The following IL1RAPL2 variants were observed in gnomAD, a reference collection of about 807,000 sequenced individuals.
IL1RAPL2 encodes the protein interleukin 1 receptor accessory protein like 2.
IL1RAPL2 carries 3 observed loss-of-function variants against 44.1 expected under a neutral mutation model. The observed-to-expected ratio is 0.07, with a 90% CI of 0.03 to 0.18. IL1RAPL2 has a LOEUF of 0.18. Among genes scored for constraint, IL1RAPL2 ranks in the 10% least tolerant of loss-of-function variants. The probability of loss-of-function intolerance (pLI) is 1.00; values close to 1 mark genes in which losing one functional copy is unlikely to be tolerated. For synonymous variants in IL1RAPL2, 181 were observed against 178.8 expected, an observed-to-expected ratio of 1.01 and a Z score of -0.10; for missense variants, 391 against 496.4, an observed-to-expected ratio of 0.79 and a Z score of 2.02.
chrX:104,845,958 T>A (rs1188350362), intron 2 of IL1RAPL2, among the ~76,000 whole-genome samples: 1 of 111,650 alleles, frequency 9.0e-6, no homozygotes, highest in African/African-American at 3.3e-5. Flanking sequence ...TAGCCATATT[T>A]GAGCAACAAG....
chrX:104,864,679 G>A (rs1361179693), intron 2 of IL1RAPL2, among the ~76,000 whole-genome samples: 1 of 111,844 alleles, frequency 8.9e-6, no homozygotes, highest in Non-Finnish European at 1.9e-5. Flanking sequence ...ATCTAAATCA[G>A]TTGCCAGCGT....
chrX:104,580,196 T>C (rs1928318148), intron 1 of IL1RAPL2, among the ~76,000 whole-genome samples: 2 of 112,471 alleles, frequency 1.8e-5, no homozygotes, highest in South Asian at 7.4e-4. Flanking sequence ...CATTGGTCCA[T>C]TGTATTATTT....
intron 2 of IL1RAPL2, among the ~76,000 whole-genome samples, chrX:104,675,700 G>A (rs1930735084): frequency 9.0e-6 from 1 of 110,716 alleles, no homozygotes; most frequent in Admixed American, 9.6e-5. Context: ...ACAGTGGGGT[G>A]TTAAAGTCTC....
chrX:104,567,044 A>T lies in IL1RAPL2; in HGVS notation c.-27A>T, dbSNP rs912496824. On this transcript the variant is annotated 5_prime_UTR_variant, in exon 1 of 11. It adds an upstream start codon to the 5' untranslated region. Coordinates refer to ENST00000372582, the MANE Select transcript of IL1RAPL2 (RefSeq NM_017416.2). ...TGGACGTTTTGCTGGCCGTTTTGCA[A>T]GACTCAGGTAATGTCCACTCGCAGA... The T allele has an allele frequency of 8.9e-6, 1 of 112,705 alleles. No homozygotes were observed. Among genetic ancestry groups the T allele is most frequent in the African/African-American group, 3.2e-5 (1 of 31,030 alleles). 9.3% of individuals were successfully genotyped at this position (112,705 alleles called of 1,213,427 possible).
chrX:104,679,679 C>T (rs916851266), intron 2 of IL1RAPL2, among the ~76,000 whole-genome samples: 3 of 111,545 alleles, frequency 2.7e-5, no homozygotes, highest in African/African-American at 9.8e-5. Flanking sequence ...ATTTGGTGCC[C>T]TTTTTGCTGC....
In IL1RAPL2 at chrX:105,504,171, T is replaced by G. The variant is rs779108352; in HGVS notation, c.772+19784T>G. Among the ~76,000 whole-genome samples the G allele has an allele frequency of 8.0e-4, 89 of 111,508 alleles. 1 individual carries two copies. Among genetic ancestry groups the G allele is most frequent in the African/African-American group, 2.8e-3 (86 of 30,798 alleles). On this transcript the variant is annotated intron_variant, in intron 6 of 10. Transcript: ENST00000372582. The stretch of plus-strand genomic sequence containing the variant: ...AGCTAAAATCTGAATGCCTGGATAT[T>G]TAAGTTTTCATATCATTGGAGTTCC...
At chrX:105,688,974 A>G (rs1338392531) in intron 6 of IL1RAPL2, among the ~76,000 whole-genome samples, 2 of 111,941 alleles carry the variant, frequency 1.8e-5, no homozygotes, top group African/African-American at 3.2e-5. Flanking sequence ...AAAGGGGGAA[A>G]TGATTCCCTG....
intron 2 of IL1RAPL2, among the ~76,000 whole-genome samples, chrX:105,053,869 G>A (rs950527358): frequency 3.6e-5 from 4 of 111,647 alleles, no homozygotes; most frequent in African/African-American, 1.3e-4. Flanking sequence ...GCATGGTGGT[G>A]TGCACCTGTA....
intron 6 of IL1RAPL2, among the ~76,000 whole-genome samples, chrX:105,567,307 T>C (rs1398468548): frequency 1.8e-5 from 2 of 111,425 alleles, no homozygotes; most frequent in Non-Finnish European, 3.8e-5. Flanking sequence ...TGTAGATTTA[T>C]GGGGAAAGTA....
intron 2 of IL1RAPL2, among the ~76,000 whole-genome samples, chrX:104,677,690 C>G (rs1017264899): frequency 8.9e-6 from 1 of 112,377 alleles, no homozygotes; most frequent in Non-Finnish European, 1.9e-5. Context: ...GCGCCCCTCC[C>G]CCAGCCTCGC....
chrX:104,855,681 G>GTTTTTTTTTTTTTT (rs1556002120), intron 2 of IL1RAPL2, among the ~76,000 whole-genome samples: 1 of 53,880 alleles, frequency 1.9e-5, no homozygotes, highest in African/African-American at 6.1e-5. Context: ...ATCTGGATCC[G>GTTTTTTTTTTTTTT]TTTTTTTTTT....
intron 4 of IL1RAPL2, among the ~76,000 whole-genome samples, chrX:105,244,584 A>G (rs1017344779): frequency 9.0e-6 from 1 of 111,450 alleles, no homozygotes; most frequent in Admixed American, 9.6e-5. Flanking sequence ...TTGGAATCCA[A>G]GAGAGAACTT....
chrX:105,547,572 A>T (rs1310702834), intron 6 of IL1RAPL2, among the ~76,000 whole-genome samples: 1 of 111,872 alleles, frequency 8.9e-6, no homozygotes, highest in African/African-American at 3.3e-5. Context: ...ACCTGGGCTC[A>T]CTCATGTGAC....
intron 2 of IL1RAPL2, among the ~76,000 whole-genome samples, chrX:104,973,730 C>T (rs1230840781): frequency 8.9e-6 from 1 of 111,779 alleles, no homozygotes; most frequent in Non-Finnish European, 1.9e-5. Flanking sequence ...AATTCCCTTT[C>T]GTGAACCTTA....
intron 5 of IL1RAPL2, among the ~76,000 whole-genome samples, chrX:105,410,464 G>A (rs777087862): frequency 9.1e-5 from 10 of 110,461 alleles, no homozygotes; most frequent in Non-Finnish European, 1.7e-4. Context: ...ATCAGACTGC[G>A]CAAAGTGGAG....
chrX:104,789,564 C>T lies in IL1RAPL2; in HGVS notation c.82+130569C>T, dbSNP rs577097538. ...CACCAATTGATAGTTAGACTGTTGA[C>T]TTCTGGAATGAAATGTGAGAAAATA... On this transcript the variant is annotated intron_variant, in intron 2 of 10. Transcript: ENST00000372582. Among the ~76,000 whole-genome samples, 17 of 111,944 alleles carry T rather than the reference C, an allele frequency of 1.5e-4. No individual in the cohort carries two copies. In the Middle Eastern group the frequency reaches 0.018, roughly 121 times the overall value.
intron 2 of IL1RAPL2, among the ~76,000 whole-genome samples, chrX:104,925,886 T>C (rs901560964): frequency 1.2e-4 from 13 of 111,595 alleles, no homozygotes; most frequent in Non-Finnish European, 2.5e-4. Context: ...AGCATGCAAA[T>C]AGGAAGAAAG....
intron 3 of IL1RAPL2, among the ~76,000 whole-genome samples, chrX:105,201,776 TCAA>T: frequency 8.9e-6 from 1 of 111,924 alleles, no homozygotes; most frequent in Non-Finnish European, 1.9e-5. Flanking sequence ...AAGTTAAGTG[TCAA>T]CAAGTCGGTT....
At chrX:104,913,301 AAC>A (rs57174340) in intron 2 of IL1RAPL2, among the ~76,000 whole-genome samples, 6,316 of 111,461 alleles carry the variant, frequency 0.057, 466 homozygotes, top group African/African-American at 0.2. Flanking sequence ...TCTAAGCAGA[AAC>A]ACAGTGTTCA....
Sources: gnomAD v4.1 joint callset for allele counts (sites outside exome capture counted in the v4.1 genomes callset) on GRCh38, gnomAD v4.1.1 for gene constraint, MANE v1.5 for transcripts, NCBI Gene and HGNC (gene_info 2026-07-23, HGNC 2026-07-21) for gene names.